The following HMGXB3 variants were observed in gnomAD, a reference collection of about 807,000 sequenced individuals.
HMGXB3 encodes the protein HMG domain-containing protein 3.
In HMGXB3, 45 loss-of-function variants were observed where a neutral mutation model predicts 121.5. That is an observed-to-expected ratio of 0.37 (90% CI 0.29 to 0.47). The LOEUF (loss-of-function observed/expected upper bound fraction) is 0.47. Ranked by LOEUF, HMGXB3 falls within the 20% of genes least tolerant of loss-of-function variation. The pLI, the probability that HMGXB3 is intolerant of heterozygous loss-of-function variation, is 0.99. For missense variants in HMGXB3, 1,376 were observed against 1,602.2 expected (o/e 0.86, Z 2.41); for synonymous variants, 590 against 624.1 (o/e 0.95, Z 0.81).
chr5:150,037,039 C>G (rs1756517180), intron 12 of HMGXB3, 102 bp downstream of exon 12: 18 of 1,073,870 alleles, frequency 1.7e-5, no homozygotes, highest in Non-Finnish European at 2.2e-5. Context: ...AGATGTTATT[C>G]TCTGCCGTTT....
intron 11 of HMGXB3, among the ~76,000 whole-genome samples, chr5:150,035,942 G>A (rs1756492644): frequency 6.6e-6 from 1 of 151,734 alleles, no homozygotes; most frequent in Non-Finnish European, 1.5e-5. Flanking sequence ...AGCCTTCATT[G>A]CACCATAGGC....
intron 5 of HMGXB3, among the ~76,000 whole-genome samples, chr5:150,015,309 A>G (rs4288106): frequency 0.84 from 127,955 of 152,162 alleles, 54,258 homozygotes; most frequent in African/African-American, 0.96. Flanking sequence ...TTTTTTGGTA[A>G]ATAAGGTTTC....
Position 150,047,668 on chromosome 5 carries a change from A to C in HMGXB3, c.2995A>C (p.Lys999Gln), listed in dbSNP as rs1756791129. 1 of 1,551,740 alleles carries C rather than the reference A, an allele frequency of 6.4e-7. No homozygotes were observed. The highest frequency in any genetic ancestry group is 1.2e-5 in the South Asian group (1 of 84,064). Residue 999 changes from lysine (K) to glutamine (Q), a missense_variant, in exon 17 of 20, where the codon AAG becomes CAG. Around this residue, in one of 2 missense-constraint regions of HMGXB3, gnomAD observed 1,116 missense variants for 1,369.0 expected, o/e 0.82. Coordinates refer to ENST00000502717, the MANE Select transcript of HMGXB3 (RefSeq NM_014983.3). Reference protein sequence around the residue: ...LVRLLQEGTCKLDEIGSYSEE... With the variant: ...LVRLLQEGTCQLDEIGSYSEE... ...GAGGCTGCTCCAGGAGGGCACCTGC[A>C]AGCTTGATGAGATTGGCTCCTACAG...
At chr5:150,017,934 T>C (rs901410981) in intron 5 of HMGXB3, among the ~76,000 whole-genome samples, 3 of 152,244 alleles carry the variant, frequency 2.0e-5, no homozygotes, top group Non-Finnish European at 4.4e-5. Flanking sequence ...TATATTAATA[T>C]GCAAATAACT....
intron 6 of HMGXB3, among the ~76,000 whole-genome samples, chr5:150,021,178 GTAGA>G (rs1756084293): frequency 6.6e-6 from 1 of 152,210 alleles, no homozygotes; most frequent in South Asian, 2.1e-4. Context: ...CATGTCAAGA[GTAGA>G]TACTGTGATT....
intron 9 of HMGXB3, among the ~76,000 whole-genome samples, chr5:150,027,910 T>C (rs553781546): frequency 6.8e-4 from 103 of 152,342 alleles, no homozygotes; most frequent in African/African-American, 2.4e-3. Flanking sequence ...CTCCCATTCA[T>C]ATTCCAAATT....
At chr5:150,018,972 GT>G (rs1314972631) in intron 6 of HMGXB3, among the ~76,000 whole-genome samples, 1 of 151,612 alleles carries the variant, frequency 6.6e-6, no homozygotes, top group African/African-American at 2.4e-5. Context: ...TTCTGTATCT[GT>G]TTTTTTCTTC....
rs374393844 is a variant in HMGXB3, at chr5:150,051,819, C to T, written c.3506C>T (p.Thr1169Met). 618 of 1,549,062 alleles carry T rather than the reference C, an allele frequency of 4.0e-4. 1 individual carries two copies. The highest frequency in any genetic ancestry group is 5.0e-4 in the Middle Eastern group (3 of 6,014). ...CAGCACCCAGTCACCAAGACTGCCA[C>T]GCGGCGCATCGTCCATGCAGGCCTA... ...SIQHPVTKTA[T>M]RRIVHAGLQP... Residue 1169 changes from threonine to methionine, a missense_variant, in exon 20 of 20, where the codon ACG becomes ATG. Thr to Met is a moderately conservative substitution (Grantham distance 81). Transcript: ENST00000502717.
At chr5:150,014,432 G>A (rs541094400) in intron 5 of HMGXB3, among the ~76,000 whole-genome samples, 1 of 152,316 alleles carries the variant, frequency 6.6e-6, no homozygotes, top group African/African-American at 2.4e-5. Flanking sequence ...TTTTGTACTA[G>A]CAGTGTATAA....
intron 9 of HMGXB3, among the ~76,000 whole-genome samples, chr5:150,028,858 G>A (rs1369525594): frequency 1.3e-5 from 2 of 151,818 alleles, no homozygotes; most frequent in Admixed American, 1.3e-4. Flanking sequence ...ACAGGCATTA[G>A]CCACCTCCCC....
chr5:150,024,125 T>C (rs1225020586), intron 6 of HMGXB3, 137 bp from the exon 7 acceptor site: 1 of 738,378 alleles, frequency 1.4e-6, no homozygotes, highest in Non-Finnish European at 2.1e-6. Flanking sequence ...ACACTTGAGA[T>C]CTTAAGTTAA....
At chr5:150,048,761 A>G (rs1260547516) in intron 18 of HMGXB3, 76 bp downstream of exon 18, 10 of 1,103,192 alleles carry the variant, frequency 9.1e-6, no homozygotes, top group Non-Finnish European at 1.2e-5. Context: ...GATCCAGCTC[A>G]GTTTTGGGGG....
chr5:150,018,699 T>C lies in HMGXB3; in HGVS notation c.1041+2T>C. On this transcript the variant is annotated splice_donor_variant, in intron 6 of 19. Transcript: ENST00000502717. LOFTEE classifies it high-confidence loss of function. ...CTAGGAGGGAAGTGGATCCCAAAGG[T>C]AAGGTCCATTGGCTGTTGCTGCTTT... 6.5e-7 allele frequency: 1 copy of C among 1,549,862 alleles called. No homozygotes were observed. Among genetic ancestry groups the C allele is most frequent in the Non-Finnish European group, 8.7e-7 (1 of 1,146,096 alleles).
rs1491164070 is a variant in HMGXB3, at chr5:150,052,775, A to ACAGT, written c.*587_*590dup. On this transcript the variant is annotated 3_prime_UTR_variant, in exon 20 of 20. Coordinates refer to ENST00000502717, the MANE Select transcript of HMGXB3 (RefSeq NM_014983.3). ...TTTGGGGGAAGCTGAGGAGGGAGGAACAGTCAGCCACAGCTCTCTTCCAGC... is the reference window on the plus strand; with the variant it reads ...TTTGGGGGAAGCTGAGGAGGGAGGAACAGTCAGTCAGCCACAGCTCTCTTCCAGC... 6.5e-6 allele frequency: 1 copy of ACAGT among 153,928 alleles called. No individual in the cohort carries two copies. Among genetic ancestry groups the ACAGT allele is most frequent in the East Asian group, 1.9e-4 (1 of 5,202 alleles). The allele number at this position is 153,928 out of a possible 1,614,324, so 9.5% of individuals were successfully genotyped here.
At chr5:150,021,725 T>G in intron 6 of HMGXB3, 2 of 510,490 alleles carry the variant, frequency 3.9e-6, no homozygotes, top group Non-Finnish European at 7.8e-6. Context: ...CCACAAGTTT[T>G]TCTTGTAGTG....
Position 150,006,777 on chromosome 5 carries a change from C to G in HMGXB3, c.312+130C>G, listed in dbSNP as rs985364983. On this transcript the variant is annotated intron_variant, in intron 3 of 19. Transcript: ENST00000502717. ...TTTCATCGTTTTATCCTTCTTGACTCTGGGCTTGCTTGTTTCCATTTTGAT... is the reference window on the plus strand; with the variant it reads ...TTTCATCGTTTTATCCTTCTTGACTGTGGGCTTGCTTGTTTCCATTTTGAT... 3 of 769,948 alleles carry G rather than the reference C, an allele frequency of 3.9e-6. No homozygotes were observed. In the South Asian group the frequency reaches 5.9e-5, roughly 15 times the overall value. The allele number at this position is 769,948 out of a possible 1,614,324, so 47.7% of individuals were successfully genotyped here.
In HMGXB3 at chr5:150,048,704, G is replaced by A. The variant is rs1295992050; in HGVS notation, c.3201+19G>A. ...CCATCAGGTAAGAAAATAACTAGGG[G>A]GAGCTTGGAGTGAATTTGCTAATGT... On this transcript the variant is annotated intron_variant, in intron 18 of 19. Transcript: ENST00000502717. 2.7e-6 allele frequency: 4 copies of A among 1,475,414 alleles called. No homozygotes were observed. The highest frequency in any genetic ancestry group is 1.7e-4 in the Middle Eastern group (1 of 5,880). 91.4% of individuals were successfully genotyped at this position (1,475,414 alleles called of 1,614,324 possible). A position where few individuals can be genotyped will look rare whatever the true frequency, so the allele number is the denominator to read the frequency against.
chr5:150,033,462 A>C (rs1159409666), intron 11 of HMGXB3, among the ~76,000 whole-genome samples: 1 of 152,178 alleles, frequency 6.6e-6, no homozygotes, highest in Non-Finnish European at 1.5e-5. Flanking sequence ...GTGAGTGAAC[A>C]TGAAGTGTGA....
chr5:150,019,357 G>A (rs559693073), intron 6 of HMGXB3, among the ~76,000 whole-genome samples: 1 of 152,036 alleles, frequency 6.6e-6, no homozygotes, highest in South Asian at 2.1e-4. Context: ...TTCTGTTTAT[G>A]TCACATTGTG....
Sources: allele counts gnomAD v4.1 joint callset (sites outside exome capture counted in the v4.1 genomes callset), GRCh38; gene constraint gnomAD v4.1.1; regional missense constraint gnomAD v4.1.1; transcripts MANE v1.5; gene names NCBI Gene and HGNC (gene_info 2026-07-23, HGNC 2026-07-21).